Variants in LAPTM4B observed in about 807,000 individuals in gnomAD.
The protein encoded by LAPTM4B is lysosomal-associated transmembrane protein 4B.
A neutral mutation model predicts 28.5 loss-of-function variants in LAPTM4B; 26 were observed. The ratio of observed to expected loss-of-function variants is 0.91; its 90% CI spans 0.67 to 1.27. The LOEUF (loss-of-function observed/expected upper bound fraction) is 1.27. LAPTM4B is among the 50% of genes most tolerant of loss of function. The probability of loss-of-function intolerance (pLI) is 0.00; values close to 1 mark genes in which losing one functional copy is unlikely to be tolerated. For synonymous variants in LAPTM4B, 109 were observed against 106.4 expected (o/e 1.02, Z -0.15); for missense variants, 288 against 285.8 (o/e 1.01, Z -0.06).
chr8:97,808,190 G>A lies in LAPTM4B; in HGVS notation c.211+2726G>A, dbSNP rs147666671. Reference sequence around the variant, plus strand: ...AGGCTGGGCTCAGTGGCTCATGCCTGTAATTCCAGCACTTTGGGAGGCCAA... The same window carrying A: ...AGGCTGGGCTCAGTGGCTCATGCCTATAATTCCAGCACTTTGGGAGGCCAA... On this transcript the variant is annotated intron_variant, in intron 2 of 6. Coordinates refer to ENST00000521545, the MANE Select transcript of LAPTM4B (RefSeq NM_018407.6). 1.8e-3 allele frequency among the ~76,000 whole-genome samples: 277 copies of A among 151,362 alleles called. 5 individuals carry two copies. In the East Asian group the frequency reaches 0.05, roughly 27 times the overall value.
chr8:97,845,346 G>GT (rs376790573), intron 6 of LAPTM4B, among the ~76,000 whole-genome samples: 34,077 of 144,602 alleles, frequency 0.24, 4,116 homozygotes, highest in Middle Eastern at 0.35. Context: ...ATCCTAAGTT[G>GT]TTTTTTTTTT....
At chr8:97,837,195 CTTTT>C (rs55645609) in intron 6 of LAPTM4B, among the ~76,000 whole-genome samples, 2 of 136,990 alleles carry the variant, frequency 1.5e-5, no homozygotes, top group African/African-American at 2.7e-5. Flanking sequence ...CCTCCTGCCA[CTTTT>C]TTTTTTTTTT....
At chr8:97,806,011 C>T (rs956394171) in intron 2 of LAPTM4B, among the ~76,000 whole-genome samples, 3 of 152,104 alleles carry the variant, frequency 2.0e-5, no homozygotes, top group Middle Eastern at 6.3e-3. Flanking sequence ...GAGTCCATGC[C>T]AAAGGAGAGG....
intron 1 of LAPTM4B, among the ~76,000 whole-genome samples, chr8:97,796,382 GC>G (rs1487254520): frequency 6.6e-6 from 1 of 152,160 alleles, no homozygotes; most frequent in Non-Finnish European, 1.5e-5. Flanking sequence ...ACAAGTATGA[GC>G]CACTGTGCTT....
intron 3 of LAPTM4B, among the ~76,000 whole-genome samples, chr8:97,815,653 G>A (rs1317416976): frequency 6.6e-6 from 1 of 151,774 alleles, no homozygotes; most frequent in African/African-American, 2.4e-5. Flanking sequence ...TGCAATCTCC[G>A]CCTCCCAAGT....
chr8:97,795,612 G>C (rs1013115774), intron 1 of LAPTM4B, among the ~76,000 whole-genome samples: 4 of 152,096 alleles, frequency 2.6e-5, no homozygotes, highest in South Asian at 2.1e-4. Context: ...CAGCATCTTG[G>C]GGGGCTGAGG....
intron 1 of LAPTM4B, among the ~76,000 whole-genome samples, chr8:97,792,743 C>T (rs1440074762): frequency 1.4e-4 from 21 of 151,976 alleles, no homozygotes; most frequent in Admixed American, 1.4e-3. Flanking sequence ...CCACACGTGG[C>T]TGTTTTGTAT....
chr8:97,797,985 T>C (rs898083519), intron 1 of LAPTM4B, among the ~76,000 whole-genome samples: 2 of 151,836 alleles, frequency 1.3e-5, no homozygotes, highest in Non-Finnish European at 2.9e-5. Context: ...AAACAGACAA[T>C]GAAAACCCAA....
At chr8:97,777,293 C>A (rs2129709570) in intron 1 of LAPTM4B, among the ~76,000 whole-genome samples, 1 of 151,614 alleles carries the variant, frequency 6.6e-6, no homozygotes, top group Non-Finnish European at 1.5e-5. Context: ...ATTGCAGGCG[C>A]CCGCCACTAT....
At chr8:97,793,241 A>T (rs1816531798) in intron 1 of LAPTM4B, among the ~76,000 whole-genome samples, 1 of 152,218 alleles carries the variant, frequency 6.6e-6, no homozygotes, top group Non-Finnish European at 1.5e-5. Context: ...GAATGAGTTA[A>T]TGAATGTTAT....
At chr8:97,847,260 C>T (rs909602627) in intron 6 of LAPTM4B, among the ~76,000 whole-genome samples, 2 of 152,188 alleles carry the variant, frequency 1.3e-5, no homozygotes, top group Admixed American at 6.5e-5. Context: ...AGAAACTGAA[C>T]TTAGATTAGA....
Position 97,850,476 on chromosome 8 carries a change from G to GTGTGTGTGTGTGTGTGTGTA in LAPTM4B, c.604-908_604-907insGTGTGTATGTGTGTGTGTGT, listed in dbSNP as rs151009828. 2.3e-3 allele frequency among the ~76,000 whole-genome samples: 334 copies of GTGTGTGTGTGTGTGTGTGTA among 147,450 alleles called. 6 individuals are homozygous for GTGTGTGTGTGTGTGTGTGTA. The highest frequency in any genetic ancestry group is 3.6e-3 in the East Asian group (18 of 5,010). ...AGCTGGAGAGGAGGGGTGTGTGTGT[G>GTGTGTGTGTGTGTGTGTGTA]TGTGTGTGTGTGTTTGGGAGAGTGC... On this transcript the variant is annotated intron_variant, in intron 6 of 6. Transcript: ENST00000521545.
At chr8:97,812,207 TTTTTTTTTTGTTGTTTTTTG>T in intron 2 of LAPTM4B, among the ~76,000 whole-genome samples, 1 of 55,700 alleles carries the variant, frequency 1.8e-5, no homozygotes, top group Admixed American at 2.2e-4. Context: ...TAATTATTTG[TTTTTTTTTTGTTGTTTTTTG>T]TTTTTTTTTT....
At chr8:97,839,911 A>T (rs910822346) in intron 6 of LAPTM4B, among the ~76,000 whole-genome samples, 17 of 152,126 alleles carry the variant, frequency 1.1e-4, no homozygotes, top group African/African-American at 3.6e-4. Flanking sequence ...GCAGGGAAGG[A>T]TGTGGAGTAG....
intron 5 of LAPTM4B, among the ~76,000 whole-genome samples, chr8:97,823,344 G>GTTTTTTTTTTTTTTTTTTTTTT (rs10561869): frequency 2.7e-5 from 3 of 109,332 alleles, no homozygotes; most frequent in Non-Finnish European, 4.0e-5. Context: ...ATACAATATG[G>GTTTTTTTTTTTTTTTTTTTTTT]TTTTTTTTTT....
intron 6 of LAPTM4B, 76 bp from the exon 7 acceptor site, chr8:97,851,321 G>A (rs1273958989): frequency 1.0e-5 from 12 of 1,186,918 alleles, no homozygotes; most frequent in East Asian, 2.3e-5. Flanking sequence ...TTGCATAAAA[G>A]TTCAGTAAAA....
chr8:97,838,653 T>C (rs200926343), intron 6 of LAPTM4B, among the ~76,000 whole-genome samples: 1 of 152,172 alleles, frequency 6.6e-6, no homozygotes, highest in African/African-American at 2.4e-5. Context: ...TGTTGTCCAG[T>C]TGGGACTGCA....
At chr8:97,811,578 G>A (rs918222204) in intron 2 of LAPTM4B, among the ~76,000 whole-genome samples, 3 of 152,118 alleles carry the variant, frequency 2.0e-5, no homozygotes, top group African/African-American at 7.2e-5. Context: ...GAGGAGGGCC[G>A]CCTTTCCTGA....
intron 1 of LAPTM4B, among the ~76,000 whole-genome samples, chr8:97,789,928 G>T (rs1432868904): frequency 6.6e-6 from 1 of 152,142 alleles, no homozygotes; most frequent in East Asian, 1.9e-4. Context: ...GAGTTCAATG[G>T]TTTAAAGTTT....
Sources: allele counts gnomAD v4.1 joint callset (sites outside exome capture counted in the v4.1 genomes callset), GRCh38; gene constraint gnomAD v4.1.1; transcripts MANE v1.5; gene names NCBI Gene and HGNC (gene_info 2026-07-23, HGNC 2026-07-21).